The following ARHGEF38 variants were observed in gnomAD, a reference collection of about 807,000 sequenced individuals.
The protein encoded by ARHGEF38 is Rho guanine nucleotide exchange factor (GEF) 38.
Under a neutral mutation model 79.9 loss-of-function variants are expected in ARHGEF38, and 79 were observed. The observed-to-expected ratio is 0.99, with a 90% CI of 0.82 to 1.19. The LOEUF (loss-of-function observed/expected upper bound fraction) is 1.19, where lower values mean the gene tolerates loss of function less well. Ranked by LOEUF, ARHGEF38 falls within the 50% of genes most tolerant of loss-of-function variation. ARHGEF38 has a pLI of 0.00. For synonymous variants in ARHGEF38, 366 were observed against 328.3 expected, an observed-to-expected ratio of 1.11 and a Z score of -1.24; for missense variants, 962 against 907.2, an observed-to-expected ratio of 1.06 and a Z score of -0.78.
At chr4:105,594,800 C>G (rs1727505657) in intron 2 of ARHGEF38, among the ~76,000 whole-genome samples, 1 of 152,188 alleles carries the variant, frequency 6.6e-6, no homozygotes, top group Admixed American at 6.5e-5. Context: ...GATAATACAT[C>G]AAACTCAGCA....
intron 5 of ARHGEF38, among the ~76,000 whole-genome samples, chr4:105,639,411 T>C (rs1729531305): frequency 1.3e-5 from 2 of 152,174 alleles, no homozygotes; most frequent in South Asian, 4.1e-4. Context: ...ACATCATTTT[T>C]TTCTACTGTG....
At chr4:105,653,914 A>AC (rs1230353110) in intron 7 of ARHGEF38, 151 bp from the exon 8 acceptor site, 5 of 384,814 alleles carry the variant, frequency 1.3e-5, no homozygotes, top group African/African-American at 8.1e-5. Context: ...CCAACAGAGA[A>AC]AGTATGTGTT....
intron 7 of ARHGEF38, 100 bp from the exon 8 acceptor site, chr4:105,653,965 A>C (rs1553948172): frequency 3.8e-6 from 2 of 524,924 alleles, no homozygotes; most frequent in Non-Finnish European, 6.3e-6. Context: ...ATATCATCAA[A>C]GAATTTTCTT....
At chr4:105,601,455 A>C (rs745372383) in intron 2 of ARHGEF38, among the ~76,000 whole-genome samples, 2 of 152,140 alleles carry the variant, frequency 1.3e-5, no homozygotes, top group Admixed American at 6.6e-5. Flanking sequence ...ATACCCTGAA[A>C]TAGCAGTAAG....
intron 1 of ARHGEF38, among the ~76,000 whole-genome samples, chr4:105,584,954 G>A (rs925871698): frequency 1.3e-5 from 2 of 152,142 alleles, no homozygotes; most frequent in Non-Finnish European, 2.9e-5. Context: ...ACCCAAGCCA[G>A]ATAAACTGCT....
At position 105,667,182 on chromosome 4, in the gene ARHGEF38, T is replaced by C. The variant is rs1271244251; in HGVS notation, c.1743T>C (p.Tyr581=). 3.3e-6 allele frequency: 5 copies of C among 1,536,046 alleles called. No individual in the cohort carries two copies. The South Asian group carries it at 4.8e-5, about 15-fold the overall frequency. ...ATCGCTCCAAACTTCTATCCACATA[T>C]AGTGCAGAGGAACTCTATCAAGCTA... ...DIHRSKLLST[Y]SAEELYQAKR... The change falls in exon 12 of 14, where the codon TAT becomes TAC. Residue 581 remains tyrosine (Y), a synonymous_variant. Coordinates refer to ENST00000420470, the MANE Select transcript of ARHGEF38 (RefSeq NM_001242729.2).
intron 13 of ARHGEF38, among the ~76,000 whole-genome samples, chr4:105,672,025 T>G (rs1217897392): frequency 1.3e-5 from 2 of 152,074 alleles, no homozygotes; most frequent in Admixed American, 6.6e-5. Flanking sequence ...TCAGGGGGTA[T>G]CTTTGGGTCT....
chr4:105,643,684 G>A (rs1560742209), intron 5 of ARHGEF38, among the ~76,000 whole-genome samples: 4 of 152,076 alleles, frequency 2.6e-5, no homozygotes, highest in Admixed American at 2.6e-4. Context: ...TCATAAACTG[G>A]CAAATAGGGA....
intron 2 of ARHGEF38, among the ~76,000 whole-genome samples, chr4:105,596,976 C>T (rs964384226): frequency 2.0e-5 from 3 of 152,198 alleles, no homozygotes; most frequent in Non-Finnish European, 4.4e-5. Flanking sequence ...TGCCTAGATG[C>T]ACTCTCTGAG....
rs568785178 is a variant in ARHGEF38, at chr4:105,582,512, T to C, written c.197-6736T>C. Among the ~76,000 whole-genome samples, 4 of 150,704 alleles carry C rather than the reference T, an allele frequency of 2.7e-5. No homozygotes were observed. In the South Asian group the frequency reaches 8.3e-4, roughly 31 times the overall value. On this transcript the variant is annotated intron_variant, in intron 1 of 13. Coordinates refer to ENST00000420470, the MANE Select transcript of ARHGEF38 (RefSeq NM_001242729.2). ...TGTGACCCATCAGTTATTTTGTAGG[T>C]TTTGGTTCTCTATTAATTCCAAAAC...
chr4:105,561,202 A>G (rs1426862934), intron 1 of ARHGEF38, among the ~76,000 whole-genome samples: 1 of 151,978 alleles, frequency 6.6e-6, no homozygotes, highest in Admixed American at 6.6e-5. Flanking sequence ...AGTCTGTGCA[A>G]CATGGTGAGA....
Position 105,678,817 on chromosome 4 carries a change from T to G in ARHGEF38, c.*880T>G, listed in dbSNP as rs78630229. 1 of 103,068 alleles carries G rather than the reference T, an allele frequency of 9.7e-6. No individual in the cohort carries two copies. The highest frequency in any genetic ancestry group is 5.1e-5 in the African/African-American group (1 of 19,500). 6.4% of individuals were successfully genotyped at this position (103,068 alleles called of 1,614,324 possible). ...GGCTTTTTTCTTTCTTTTCTTGTTG[T>G]TTTTTTTTTTTTTTAAAGAGACAAT... is the stretch of plus-strand genomic sequence containing the variant. On this transcript the variant is annotated 3_prime_UTR_variant, in exon 14 of 14. Coordinates refer to ENST00000420470, the MANE Select transcript of ARHGEF38 (RefSeq NM_001242729.2).
At chr4:105,670,695 G>C (rs1730929365) in intron 13 of ARHGEF38, among the ~76,000 whole-genome samples, 1 of 152,030 alleles carries the variant, frequency 6.6e-6, no homozygotes, top group African/African-American at 2.4e-5. Flanking sequence ...TGTTTATTCA[G>C]TTTCTAAAAA....
At chr4:105,607,591 T>C (rs1728106670) in intron 2 of ARHGEF38, among the ~76,000 whole-genome samples, 2 of 152,064 alleles carry the variant, frequency 1.3e-5, no homozygotes, top group South Asian at 4.1e-4. Flanking sequence ...TAGAATAGAA[T>C]GGGCTTCCAT....
intron 4 of ARHGEF38, among the ~76,000 whole-genome samples, chr4:105,633,790 C>A (rs1729290335): frequency 6.6e-6 from 1 of 152,076 alleles, no homozygotes. Context: ...GGAACACAAA[C>A]CCTAGTTGAG....
chr4:105,668,243 G>A (rs1020560775), intron 13 of ARHGEF38, among the ~76,000 whole-genome samples: 7 of 151,542 alleles, frequency 4.6e-5, no homozygotes, highest in South Asian at 2.1e-4. Flanking sequence ...GTGCAGTGGC[G>A]CAATCTCGGC....
intron 9 of ARHGEF38, among the ~76,000 whole-genome samples, chr4:105,658,746 A>G (rs1471028512): frequency 6.6e-6 from 1 of 152,218 alleles, no homozygotes; most frequent in Non-Finnish European, 1.5e-5. Flanking sequence ...GAAGGAGATG[A>G]CAATGACAAA....
intron 4 of ARHGEF38, 133 bp downstream of exon 4, chr4:105,631,178 T>G (rs989917644): frequency 7.6e-7 from 1 of 1,312,062 alleles, no homozygotes; most frequent in South Asian, 2.8e-5. Flanking sequence ...TGCTTTGCAT[T>G]CCCTTTATAA....
At chr4:105,589,225 C>A (rs773960208) in intron 1 of ARHGEF38, 23 bp from the exon 2 acceptor site, 4 of 1,593,422 alleles carry the variant, frequency 2.5e-6, no homozygotes, top group Non-Finnish European at 3.4e-6. Context: ...AATGCCTCAC[C>A]TGTATATGTT....
Sources: allele counts gnomAD v4.1 joint callset (sites outside exome capture counted in the v4.1 genomes callset), GRCh38; gene constraint gnomAD v4.1.1; transcripts MANE v1.5; gene names NCBI Gene and HGNC (gene_info 2026-07-23, HGNC 2026-07-21).